The following INSYN2B variants were observed in gnomAD, a reference collection of about 807,000 sequenced individuals.
INSYN2B encodes the protein protein INSYN2B.
A neutral mutation model predicts 41.2 loss-of-function variants in INSYN2B; 16 were observed. That is an observed-to-expected ratio of 0.39 (90% CI 0.26 to 0.59). INSYN2B has a LOEUF of 0.59. INSYN2B is among the 20% of genes least tolerant of loss of function. INSYN2B has a pLI of 0.57. For synonymous variants in INSYN2B, 245 were observed against 244.4 expected, an observed-to-expected ratio of 1.00 and a Z score of -0.02; for missense variants, 608 against 646.4, an observed-to-expected ratio of 0.94 and a Z score of 0.64.
At chr5:169,954,024 C>T (rs1208092884) in intron 1 of INSYN2B, among the ~76,000 whole-genome samples, 1 of 152,214 alleles carries the variant, frequency 6.6e-6, no homozygotes, top group Non-Finnish European at 1.5e-5. Flanking sequence ...ATTCTATACT[C>T]TGGTTCTAGA....
At chr5:169,941,964 T>G (rs887965093) in intron 1 of INSYN2B, among the ~76,000 whole-genome samples, 1 of 152,238 alleles carries the variant, frequency 6.6e-6, no homozygotes, top group Non-Finnish European at 1.5e-5. Flanking sequence ...CATTCAGAAG[T>G]AAAACTGTAT....
chr5:169,948,296 T>A (rs201960505), intron 1 of INSYN2B, among the ~76,000 whole-genome samples: 1 of 151,880 alleles, frequency 6.6e-6, no homozygotes, highest in Non-Finnish European at 1.5e-5. Flanking sequence ...GAACGTTTTT[T>A]AAAAAAAGGT....
At chr5:169,886,414 G>A (rs1451547741) in intron 1 of INSYN2B, among the ~76,000 whole-genome samples, 1 of 152,146 alleles carries the variant, frequency 6.6e-6, no homozygotes, top group Non-Finnish European at 1.5e-5. Context: ...TTTTAGGTCT[G>A]GGAGAATCCC....
At chr5:169,957,104 G>A (rs901849837) in intron 1 of INSYN2B, among the ~76,000 whole-genome samples, 2 of 152,136 alleles carry the variant, frequency 1.3e-5, no homozygotes, top group South Asian at 2.1e-4. Context: ...GTACTTTGCA[G>A]TAATAAGACT....
At chr5:169,888,831 T>A (rs57785240) in intron 1 of INSYN2B, among the ~76,000 whole-genome samples, 5,312 of 152,306 alleles carry the variant, frequency 0.035, 184 homozygotes, top group African/African-American at 0.089. Flanking sequence ...ATGAGACACT[T>A]GTGAATTTGT....
chr5:169,868,835 C>T (rs370510101), intron 3 of INSYN2B, among the ~76,000 whole-genome samples: 17 of 152,194 alleles, frequency 1.1e-4, no homozygotes, highest in Middle Eastern at 3.4e-3. Flanking sequence ...TAGAAAAGAC[C>T]GGGAGATGGA....
rs180740210 is a variant in INSYN2B, at chr5:169,953,231, G to A, written c.-919+27046C>T. 9.2e-3 allele frequency among the ~76,000 whole-genome samples: 1,406 copies of A among 152,000 alleles called. 23 individuals are homozygous for A. Among genetic ancestry groups the A allele is most frequent in the African/African-American group, 0.032 (1,334 of 41,430 alleles). On this transcript the variant is annotated intron_variant, in intron 1 of 3. Coordinates refer to ENST00000377365, the MANE Select transcript of INSYN2B (RefSeq NM_001129891.3). ...GCCTGTAATCCCAGCTACTCAGGAG[G>A]CTGAGGCAGGAGAATCACTTGAACC... is the stretch of plus-strand genomic sequence containing the variant.
At chr5:169,939,005 G>T (rs1158918895) in intron 1 of INSYN2B, among the ~76,000 whole-genome samples, 10 of 150,706 alleles carry the variant, frequency 6.6e-5, no homozygotes, top group African/African-American at 2.2e-4. Context: ...CTGGGTTCAC[G>T]CCATTCTCCT....
Position 169,863,828 on chromosome 5 carries a change from T to C in INSYN2B, c.*445A>G, listed in dbSNP as rs778536621. 1.2e-4 allele frequency among the ~76,000 whole-genome samples: 19 copies of C among 152,248 alleles called. No homozygotes were observed. The highest frequency in any genetic ancestry group is 1.3e-4 in the Admixed American group (2 of 15,286). ...TGCCAGTTTATCTCATTTTTTTCTA[T>C]GGTACCTGCTTATAACCTATAACCT... On this transcript the variant is annotated 3_prime_UTR_variant, in exon 4 of 4. Transcript: ENST00000377365.
rs70979150 is a variant in INSYN2B, at chr5:169,961,978, C to CAAAAAAAAAAAAAAAAAAAAAAAAAAAA, written c.-919+18298_-919+18299insTTTTTTTTTTTTTTTTTTTTTTTTTTTT. On this transcript the variant is annotated intron_variant, in intron 1 of 3. Transcript: ENST00000377365. ...TGGGTGAAAAAGTGAGACTCTGTCC[C>CAAAAAAAAAAAAAAAAAAAAAAAAAAAA]AAAAAAAAAAAAAAAAATGGAGAAA... 9.4e-5 allele frequency among the ~76,000 whole-genome samples: 7 copies of CAAAAAAAAAAAAAAAAAAAAAAAAAAAA among 74,654 alleles called. 2 individuals are homozygous for CAAAAAAAAAAAAAAAAAAAAAAAAAAAA. Among genetic ancestry groups the CAAAAAAAAAAAAAAAAAAAAAAAAAAAA allele is most frequent in the East Asian group, 4.4e-4 (1 of 2,298 alleles). 49.0% of individuals were successfully genotyped at this position (74,654 alleles called of 152,430 possible). A position where few individuals can be genotyped will look rare whatever the true frequency, so the allele number is the denominator to read the frequency against.
In INSYN2B at chr5:169,861,938, C is replaced by CTT. The variant is rs60375082; in HGVS notation, c.*2333_*2334dup. The stretch of plus-strand genomic sequence containing the variant: ...TTATTTTTTTCTTTTCTTTTCTTTT[C>CTT]TTTTTTTTTTGTTGGGGAAGTGCAG... On this transcript the variant is annotated 3_prime_UTR_variant, in exon 4 of 4. Transcript: ENST00000377365. Among the ~76,000 whole-genome samples the CTT allele has an allele frequency of 3.9e-4, 58 of 147,256 alleles. No homozygotes were observed. The highest frequency in any genetic ancestry group is 6.7e-4 in the Admixed American group (10 of 14,872).
At chr5:169,938,263 C>T (rs145024582) in intron 1 of INSYN2B, among the ~76,000 whole-genome samples, 71 of 150,732 alleles carry the variant, frequency 4.7e-4, no homozygotes, top group African/African-American at 1.6e-3. Flanking sequence ...ATGTGTTCTT[C>T]CTGGGATGTC....
At chr5:169,901,097 AT>A (rs778076651) in intron 1 of INSYN2B, among the ~76,000 whole-genome samples, 19 of 152,162 alleles carry the variant, frequency 1.2e-4, no homozygotes, top group Admixed American at 9.8e-4. Context: ...ATGAGTCCTA[AT>A]TGACATTGTG....
chr5:169,881,055 C>T (rs1353187644), intron 3 of INSYN2B, among the ~76,000 whole-genome samples: 1 of 152,108 alleles, frequency 6.6e-6, no homozygotes, highest in African/African-American at 2.4e-5. Context: ...GGAAAATGCT[C>T]TGTGTGAGCG....
chr5:169,950,022 G>C (rs1776596045), intron 1 of INSYN2B, among the ~76,000 whole-genome samples: 1 of 152,114 alleles, frequency 6.6e-6, no homozygotes, highest in Non-Finnish European at 1.5e-5. Context: ...GCGTTTGAGG[G>C]GATCACAGAT....
chr5:169,965,482 G>A (rs1453956994), intron 1 of INSYN2B, among the ~76,000 whole-genome samples: 1 of 152,226 alleles, frequency 6.6e-6, no homozygotes, highest in Non-Finnish European at 1.5e-5. Flanking sequence ...GCTGGCTAGT[G>A]TTGGAGTCAG....
intron 1 of INSYN2B, among the ~76,000 whole-genome samples, chr5:169,930,224 T>A (rs1775680210): frequency 6.6e-6 from 1 of 152,130 alleles, no homozygotes. Context: ...TCTCCTGACC[T>A]TGTGATCCGC....
chr5:169,972,275 A>C (rs1777531584), intron 1 of INSYN2B, among the ~76,000 whole-genome samples: 1 of 152,112 alleles, frequency 6.6e-6, no homozygotes, highest in Admixed American at 6.5e-5. Context: ...TACCTATAGC[A>C]TGCATTTTGC....
In INSYN2B at chr5:169,895,441, G is replaced by A. The variant is rs190209078; in HGVS notation, c.-918-10625C>T. Among the ~76,000 whole-genome samples, 475 of 152,226 alleles carry A rather than the reference G, an allele frequency of 3.1e-3. 2 individuals are homozygous for A. The highest frequency in any genetic ancestry group is 4.9e-3 in the Non-Finnish European group (330 of 68,004). On this transcript the variant is annotated intron_variant, in intron 1 of 3. Transcript: ENST00000377365. ...GAACTTTCCTGGAGATCCGGGGACA[G>A]GGGGTGGTCTCACTCCTAACCACCT...
Sources: gnomAD v4.1 joint callset for allele counts (sites outside exome capture counted in the v4.1 genomes callset) on GRCh38, gnomAD v4.1.1 for gene constraint, MANE v1.5 for transcripts, NCBI Gene and HGNC (gene_info 2026-07-23, HGNC 2026-07-21) for gene names.